The following SPON1 variants were observed in gnomAD, a reference collection of about 807,000 sequenced individuals.
SPON1 encodes spondin-1.
SPON1 carries 52 observed loss-of-function variants against 111.7 expected under a neutral mutation model. The ratio of observed to expected loss-of-function variants is 0.47; its 90% CI spans 0.37 to 0.59. The LOEUF (loss-of-function observed/expected upper bound fraction) is 0.59. Among genes scored for constraint, SPON1 ranks in the 20% least tolerant of loss-of-function variants. SPON1 has a pLI of 0.00. For synonymous variants in SPON1, 410 were observed against 395.8 expected, an observed-to-expected ratio of 1.04 and a Z score of -0.43; for missense variants, 957 against 1,068.5, an observed-to-expected ratio of 0.90 and a Z score of 1.46.
At chr11:14,094,790 G>C (rs1849085631) in intron 5 of SPON1, among the ~76,000 whole-genome samples, 1 of 152,226 alleles carries the variant, frequency 6.6e-6, no homozygotes, top group Non-Finnish European at 1.5e-5. Flanking sequence ...GCAGGAGAGA[G>C]ATAAGGCCAT....
intron 2 of SPON1, among the ~76,000 whole-genome samples, chr11:13,998,166 T>C (rs2133791089): frequency 6.6e-6 from 1 of 152,268 alleles, no homozygotes; most frequent in African/African-American, 2.4e-5. Context: ...TAGGCACTCT[T>C]ATTATTATTC....
intron 3 of SPON1, among the ~76,000 whole-genome samples, chr11:14,066,458 A>G (rs1334680429): frequency 6.6e-6 from 1 of 152,190 alleles, no homozygotes; most frequent in Non-Finnish European, 1.5e-5. Context: ...TTAACTATCT[A>G]GAATTGCCTG....
intron 6 of SPON1, 151 bp from the exon 7 acceptor site, chr11:14,243,181 C>G (rs1170101176): frequency 2.8e-6 from 2 of 705,138 alleles, no homozygotes; most frequent in Admixed American, 2.2e-5. Context: ...CCAGGGTTCC[C>G]CCATCCCAGA....
intron 5 of SPON1, among the ~76,000 whole-genome samples, chr11:14,086,746 G>A (rs1268871447): frequency 6.6e-6 from 1 of 152,152 alleles, no homozygotes; most frequent in Non-Finnish European, 1.5e-5. Flanking sequence ...TGTACCTCTG[G>A]CAGAATTCAG....
At chr11:14,120,392 C>A (rs1849296332) in intron 5 of SPON1, among the ~76,000 whole-genome samples, 1 of 152,050 alleles carries the variant, frequency 6.6e-6, no homozygotes, top group Admixed American at 6.5e-5. Context: ...AGTCTCCAAA[C>A]AGGGATGTTG....
At chr11:14,018,641 C>T (rs1234674801) in intron 2 of SPON1, among the ~76,000 whole-genome samples, 1 of 152,128 alleles carries the variant, frequency 6.6e-6, no homozygotes, top group African/African-American at 2.4e-5. Flanking sequence ...ATCTGCAGAG[C>T]ATGCTGGGAG....
At chr11:14,206,707 C>T (rs527868158) in intron 6 of SPON1, among the ~76,000 whole-genome samples, 1 of 152,002 alleles carries the variant, frequency 6.6e-6, no homozygotes, top group Non-Finnish European at 1.5e-5. Flanking sequence ...AGGATAACTA[C>T]AAAATACTAC....
At chr11:14,212,592 A>G (rs1554936834) in intron 6 of SPON1, among the ~76,000 whole-genome samples, 1 of 152,136 alleles carries the variant, frequency 6.6e-6, no homozygotes, top group Non-Finnish European at 1.5e-5. Flanking sequence ...TCATTTCCCT[A>G]TAAATAGGGG....
intron 15 of SPON1, 173 bp downstream of exon 15, chr11:14,263,148 T>C (rs1849209638): frequency 3.0e-6 from 2 of 665,812 alleles, no homozygotes; most frequent in East Asian, 5.5e-5. Context: ...TGTTCCCAAA[T>C]ATTGAGCAAG....
At chr11:14,123,310 A>G (rs1847415319) in intron 5 of SPON1, among the ~76,000 whole-genome samples, 1 of 152,056 alleles carries the variant, frequency 6.6e-6, no homozygotes, top group South Asian at 2.1e-4. Flanking sequence ...ATCTTCCTTT[A>G]AAGAGTATGA....
intron 6 of SPON1, among the ~76,000 whole-genome samples, chr11:14,195,739 G>A (rs1554934987): frequency 6.6e-6 from 1 of 152,196 alleles, no homozygotes; most frequent in African/African-American, 2.4e-5. Flanking sequence ...TGGAAGCAGG[G>A]TTCTTAACTG....
intron 3 of SPON1, among the ~76,000 whole-genome samples, chr11:14,056,941 G>A (rs972927469): frequency 6.6e-6 from 1 of 151,870 alleles, no homozygotes; most frequent in Non-Finnish European, 1.5e-5. Context: ...CAAGACAGGA[G>A]GAAGATCTAA....
chr11:14,083,337 G>A (rs1417332672), intron 5 of SPON1, among the ~76,000 whole-genome samples: 5 of 152,120 alleles, frequency 3.3e-5, no homozygotes, highest in Non-Finnish European at 7.4e-5. Context: ...TGAAGTATGC[G>A]GAGAAAATTC....
At chr11:13,985,390 G>A (rs773525704) in intron 2 of SPON1, among the ~76,000 whole-genome samples, 3 of 152,184 alleles carry the variant, frequency 2.0e-5, no homozygotes, top group Non-Finnish European at 4.4e-5. Context: ...TGTTAACTGA[G>A]TTTATCTTCA....
At chr11:13,999,690 A>G (rs2133791912) in intron 2 of SPON1, among the ~76,000 whole-genome samples, 1 of 152,256 alleles carries the variant, frequency 6.6e-6, no homozygotes, top group South Asian at 2.1e-4. Context: ...TACAGGTGTG[A>G]GCCACCGCGC....
At chr11:13,991,450 CT>C (rs1848229852) in intron 2 of SPON1, among the ~76,000 whole-genome samples, 1 of 152,196 alleles carries the variant, frequency 6.6e-6, no homozygotes, top group Non-Finnish European at 1.5e-5. Context: ...CTTCTCTACA[CT>C]GGTTATTCTA....
intron 1 of SPON1, among the ~76,000 whole-genome samples, chr11:13,981,641 G>T (rs1304131048): frequency 6.6e-6 from 1 of 152,116 alleles, no homozygotes; most frequent in African/African-American, 2.4e-5. Context: ...AGATTTTAAC[G>T]GAAAAATCGT....
At chr11:14,028,098 C>T (rs1471573813) in intron 2 of SPON1, among the ~76,000 whole-genome samples, 1 of 152,150 alleles carries the variant, frequency 6.6e-6, no homozygotes, top group East Asian at 1.9e-4. Context: ...CCCCTACTTG[C>T]TAGTCCCAGT....
chr11:14,264,731 A>G (rs1849243164), intron 15 of SPON1, among the ~76,000 whole-genome samples: 1 of 152,194 alleles, frequency 6.6e-6, no homozygotes, highest in African/African-American at 2.4e-5. Flanking sequence ...GTAACCATAA[A>G]TGTGGTGGGT....
Sources: allele counts gnomAD v4.1 joint callset (sites outside exome capture counted in the v4.1 genomes callset), GRCh38; gene constraint gnomAD v4.1.1; transcripts MANE v1.5; gene names NCBI Gene and HGNC (gene_info 2026-07-23, HGNC 2026-07-21).